CCDC85A: variants seen among roughly 807,000 people sequenced by gnomAD.
CCDC85A encodes the protein coiled-coil domain-containing protein 85A.
A neutral mutation model predicts 50.2 loss-of-function variants in CCDC85A; 38 were observed. The observed-to-expected ratio is 0.76, with a 90% CI of 0.58 to 0.99. CCDC85A has a LOEUF of 0.99. CCDC85A is among the 50% of genes least tolerant of loss of function. The probability of loss-of-function intolerance (pLI) is 0.00; values close to 1 mark genes in which losing one functional copy is unlikely to be tolerated. For missense variants in CCDC85A, 820 were observed against 742.0 expected (o/e 1.11, Z -1.22); for synonymous variants, 366 against 301.4 (o/e 1.21, Z -2.22).
chr2:56,308,053 C>T (rs921990192), intron 2 of CCDC85A, among the ~76,000 whole-genome samples: 6 of 152,208 alleles, frequency 3.9e-5, no homozygotes, highest in African/African-American at 1.4e-4. Context: ...TTTCTACTCT[C>T]ATAGCATGAG....
At chr2:56,219,239 T>C (rs1419153525) in intron 2 of CCDC85A, among the ~76,000 whole-genome samples, 3 of 146,180 alleles carry the variant, frequency 2.1e-5, no homozygotes, top group Non-Finnish European at 4.5e-5. Flanking sequence ...CCATACGAGA[T>C]GCGAAGATGA....
At chr2:56,187,701 C>T (rs1193446954) in intron 1 of CCDC85A, among the ~76,000 whole-genome samples, 1 of 152,166 alleles carries the variant, frequency 6.6e-6, no homozygotes. Context: ...AATCGGCCTG[C>T]TTTCCTTTTC....
intron 2 of CCDC85A, among the ~76,000 whole-genome samples, chr2:56,321,757 A>G (rs1673202150): frequency 6.6e-6 from 1 of 152,170 alleles, no homozygotes; most frequent in South Asian, 2.1e-4. Context: ...CCATCATGCT[A>G]CCAATGACTT....
chr2:56,228,596 G>A (rs903364620), intron 2 of CCDC85A, among the ~76,000 whole-genome samples: 3 of 151,556 alleles, frequency 2.0e-5, no homozygotes, highest in Admixed American at 6.6e-5. Context: ...GCAGTGGCAC[G>A]ATCTTGGCTC....
chr2:56,349,496 G>A (rs550849880), intron 3 of CCDC85A, among the ~76,000 whole-genome samples: 12 of 152,138 alleles, frequency 7.9e-5, no homozygotes, highest in Non-Finnish European at 1.6e-4. Context: ...CAGAGAAAAT[G>A]TCAGAGAGTA....
At chr2:56,259,546 G>C (rs1047585804) in intron 2 of CCDC85A, among the ~76,000 whole-genome samples, 1 of 152,152 alleles carries the variant, frequency 6.6e-6, no homozygotes, top group African/African-American at 2.4e-5. Context: ...CCTGGGTCTG[G>C]TCCTTGGATG....
chr2:56,373,866 G>C (rs1356366516), intron 4 of CCDC85A, among the ~76,000 whole-genome samples: 1 of 152,130 alleles, frequency 6.6e-6, no homozygotes, highest in Non-Finnish European at 1.5e-5. Flanking sequence ...TCAGGAAAGA[G>C]GAGCTTCCTT....
intron 2 of CCDC85A, among the ~76,000 whole-genome samples, chr2:56,236,802 A>G (rs1464837013): frequency 6.6e-6 from 1 of 152,036 alleles, no homozygotes; most frequent in African/African-American, 2.4e-5. Context: ...ATTTGCACAA[A>G]TTTCTCAGGT....
chr2:56,340,368 C>T (rs920316427), intron 2 of CCDC85A, among the ~76,000 whole-genome samples: 3 of 152,126 alleles, frequency 2.0e-5, no homozygotes, highest in East Asian at 1.9e-4. Context: ...GGTGCACTAC[C>T]GTATTGCCTC....
At chr2:56,296,623 A>G (rs1219970172) in intron 2 of CCDC85A, among the ~76,000 whole-genome samples, 1 of 152,120 alleles carries the variant, frequency 6.6e-6, no homozygotes, top group Non-Finnish European at 1.5e-5. Context: ...GGCTTTTGTC[A>G]GGATTCTGGC....
chr2:56,201,970 G>C (rs1204704907), intron 2 of CCDC85A, among the ~76,000 whole-genome samples: 1 of 152,136 alleles, frequency 6.6e-6, no homozygotes, highest in African/African-American at 2.4e-5. Flanking sequence ...TAGAGGACTA[G>C]AAAGAATCAA....
chr2:56,373,142 A>G (rs566426860), intron 4 of CCDC85A, among the ~76,000 whole-genome samples: 1 of 152,324 alleles, frequency 6.6e-6, no homozygotes, highest in East Asian at 1.9e-4. Context: ...CAGTCTAGAA[A>G]AATTATTTAA....
chr2:56,213,612 G>C (rs910560863), intron 2 of CCDC85A, among the ~76,000 whole-genome samples: 2 of 151,868 alleles, frequency 1.3e-5, no homozygotes, highest in African/African-American at 4.8e-5. Context: ...TTGAATCCCC[G>C]GGCTCTAGGA....
intron 2 of CCDC85A, among the ~76,000 whole-genome samples, chr2:56,324,779 G>A (rs1673383142): frequency 6.6e-6 from 1 of 151,966 alleles, no homozygotes; most frequent in African/African-American, 2.4e-5. Context: ...CTCCAAGGTA[G>A]TATTTTTATG....
At chr2:56,220,044 A>G (rs1313149347) in intron 2 of CCDC85A, among the ~76,000 whole-genome samples, 1 of 152,048 alleles carries the variant, frequency 6.6e-6, no homozygotes, top group East Asian at 1.9e-4. Flanking sequence ...AGTTAAATCT[A>G]GAGACAAATG....
chr2:56,311,135 G>A lies in CCDC85A; in HGVS notation c.1241-31744G>A, dbSNP rs149881771. On this transcript the variant is annotated intron_variant, in intron 2 of 5. Transcript: ENST00000407595. Reference sequence around the variant, plus strand: ...TGATTTTGATTCCTATTTTGTTCCAGTTTTAAAAATTCTTTAGAATTCTTG... The same window carrying A: ...TGATTTTGATTCCTATTTTGTTCCAATTTTAAAAATTCTTTAGAATTCTTG... Among the ~76,000 whole-genome samples the A allele has an allele frequency of 5.3e-5, 8 of 152,204 alleles. No individual in the cohort carries two copies. The South Asian group carries it at 1.7e-3, about 32-fold the overall frequency.
At chr2:56,208,516 T>C (rs1573025926) in intron 2 of CCDC85A, among the ~76,000 whole-genome samples, 2 of 152,132 alleles carry the variant, frequency 1.3e-5, no homozygotes, top group East Asian at 3.9e-4. Flanking sequence ...CCTGGAATCC[T>C]GTGTTGATGT....
At chr2:56,293,509 A>C (rs1050003416) in intron 2 of CCDC85A, among the ~76,000 whole-genome samples, 2 of 152,238 alleles carry the variant, frequency 1.3e-5, no homozygotes. Context: ...GCTTCTGCAC[A>C]GCGAAAGAAA....
intron 3 of CCDC85A, among the ~76,000 whole-genome samples, chr2:56,360,138 A>G (rs554685455): frequency 2.0e-5 from 3 of 152,372 alleles, no homozygotes; most frequent in South Asian, 4.1e-4. Flanking sequence ...CTATTGGTCA[A>G]TTAAAAATAA....
Sources: gnomAD v4.1 joint callset for allele counts (sites outside exome capture counted in the v4.1 genomes callset) on GRCh38, gnomAD v4.1.1 for gene constraint, MANE v1.5 for transcripts, NCBI Gene and HGNC (gene_info 2026-07-23, HGNC 2026-07-21) for gene names.